Variants in DOK6 observed in about 807,000 individuals in gnomAD.
DOK6 encodes docking protein 6.
DOK6 carries 22 observed loss-of-function variants against 44.0 expected under a neutral mutation model. The observed-to-expected ratio is 0.50, with a 90% confidence interval of 0.36 to 0.71. The LOEUF is 0.71. Among genes scored for constraint, DOK6 ranks in the 30% least tolerant of loss-of-function variants. The pLI, the probability that DOK6 is intolerant of heterozygous loss-of-function variation, is 0.00. For synonymous variants in DOK6, 166 were observed against 145.5 expected, an observed-to-expected ratio of 1.14 and a Z score of -1.01; for missense variants, 340 against 416.4, an observed-to-expected ratio of 0.82 and a Z score of 1.60.
At chr18:69,759,554 CTT>C (rs1568118359) in intron 7 of DOK6, among the ~76,000 whole-genome samples, 1 of 152,036 alleles carries the variant, frequency 6.6e-6, no homozygotes, top group African/African-American at 2.4e-5. Flanking sequence ...AATAAAAACT[CTT>C]GTTTTCATGG....
chr18:69,451,668 C>A (rs1332611038), intron 1 of DOK6, among the ~76,000 whole-genome samples: 1 of 72,262 alleles, frequency 1.4e-5, no homozygotes. Flanking sequence ...GGAAGTAAAG[C>A]TCTCCTCAGC....
intron 1 of DOK6, among the ~76,000 whole-genome samples, chr18:69,418,027 T>G (rs1978386522): frequency 6.6e-6 from 1 of 152,142 alleles, no homozygotes; most frequent in Non-Finnish European, 1.5e-5. Context: ...CTTGGCTGAT[T>G]GTTTCCTTTG....
chr18:69,480,203 G>A (rs937153943), intron 1 of DOK6, among the ~76,000 whole-genome samples: 7 of 151,862 alleles, frequency 4.6e-5, no homozygotes, highest in Admixed American at 2.0e-4. Flanking sequence ...AATATTTTAT[G>A]GACTCTATCA....
intron 1 of DOK6, among the ~76,000 whole-genome samples, chr18:69,461,021 T>C (rs925784150): frequency 7.9e-5 from 12 of 152,204 alleles, no homozygotes; most frequent in African/African-American, 2.4e-4. Context: ...CGAAGTGCCT[T>C]TCCCATAGCC....
chr18:69,763,726 G>C (rs1979633155), intron 7 of DOK6, among the ~76,000 whole-genome samples: 1 of 152,168 alleles, frequency 6.6e-6, no homozygotes, highest in South Asian at 2.1e-4. Flanking sequence ...ATCACCATTA[G>C]ACATATTTAG....
intron 2 of DOK6, among the ~76,000 whole-genome samples, chr18:69,573,151 A>G (rs1983156558): frequency 6.6e-6 from 1 of 151,772 alleles, no homozygotes; most frequent in Non-Finnish European, 1.5e-5. Context: ...GCTGGAAGAG[A>G]ATATGAGTAT....
intron 1 of DOK6, among the ~76,000 whole-genome samples, chr18:69,457,625 T>A (rs944799230): frequency 1.3e-5 from 2 of 152,224 alleles, no homozygotes; most frequent in Non-Finnish European, 2.9e-5. Context: ...TGGGCTCTCT[T>A]TTCATTCATT....
chr18:69,617,500 GAA>G (rs1375164221), intron 3 of DOK6, among the ~76,000 whole-genome samples: 44 of 103,816 alleles, frequency 4.2e-4, no homozygotes, highest in African/African-American at 1.5e-3. Context: ...AAGAAAGAAA[GAA>G]AGAGAAAGAA....
intron 1 of DOK6, among the ~76,000 whole-genome samples, chr18:69,475,986 A>G (rs993170930): frequency 1.3e-4 from 18 of 142,618 alleles, no homozygotes; most frequent in African/African-American, 4.6e-4. Context: ...GACTGGTCCC[A>G]TCACCCAGTA....
intron 1 of DOK6, among the ~76,000 whole-genome samples, chr18:69,556,697 A>G (rs1273119560): frequency 6.6e-6 from 1 of 152,228 alleles, no homozygotes; most frequent in Non-Finnish European, 1.5e-5. Context: ...ATGAATGAAT[A>G]AGAGGAATTG....
chr18:69,509,650 A>C (rs2053522), intron 1 of DOK6, among the ~76,000 whole-genome samples: 13,025 of 149,778 alleles, frequency 0.087, 933 homozygotes, highest in Non-Finnish European at 0.12. Context: ...AAAAAAAAAA[A>C]AAAAAAAAAA....
chr18:69,836,689 T>C (rs1599352762), intron 7 of DOK6, among the ~76,000 whole-genome samples: 2 of 152,170 alleles, frequency 1.3e-5, no homozygotes, highest in East Asian at 3.8e-4. Flanking sequence ...CTTATTTGTC[T>C]TTAGTGGGTG....
intron 1 of DOK6, among the ~76,000 whole-genome samples, chr18:69,445,159 T>G (rs1979249570): frequency 6.6e-6 from 1 of 152,324 alleles, no homozygotes; most frequent in African/African-American, 2.4e-5. Context: ...TGATTTTTTG[T>G]GTGTTGATCT....
At chr18:69,720,956 T>A (rs1219610014) in intron 5 of DOK6, among the ~76,000 whole-genome samples, 1 of 152,176 alleles carries the variant, frequency 6.6e-6, no homozygotes, top group African/African-American at 2.4e-5. Context: ...ATGCCTTATA[T>A]ACAGCCCACC....
At chr18:69,443,196 T>A (rs1439269105) in intron 1 of DOK6, among the ~76,000 whole-genome samples, 1 of 152,200 alleles carries the variant, frequency 6.6e-6, no homozygotes, top group African/African-American at 2.4e-5. Context: ...AGGTTGTTAA[T>A]TTGAAAATAG....
At chr18:69,476,954 G>A (rs1486851615) in intron 1 of DOK6, among the ~76,000 whole-genome samples, 1 of 152,188 alleles carries the variant, frequency 6.6e-6, no homozygotes, top group East Asian at 1.9e-4. Context: ...TATGTACACA[G>A]TAAAAGGTTG....
chr18:69,801,638 C>T (rs1158224906), intron 7 of DOK6, among the ~76,000 whole-genome samples: 1 of 152,182 alleles, frequency 6.6e-6, no homozygotes, highest in African/African-American at 2.4e-5. Flanking sequence ...TTTTAAGGCC[C>T]TTTACACTGG....
At chr18:69,471,436 G>C (rs1980104376) in intron 1 of DOK6, among the ~76,000 whole-genome samples, 1 of 151,840 alleles carries the variant, frequency 6.6e-6, no homozygotes, top group East Asian at 1.9e-4. Context: ...GAATTGAACA[G>C]TATGTTTGGA....
At chr18:69,626,426 G>A (rs1054063468) in intron 3 of DOK6, among the ~76,000 whole-genome samples, 1 of 152,214 alleles carries the variant, frequency 6.6e-6, no homozygotes, top group African/African-American at 2.4e-5. Flanking sequence ...TATTCATCAA[G>A]TCAGAAAATA....
Sources: gnomAD v4.1 joint callset for allele counts (sites outside exome capture counted in the v4.1 genomes callset) on GRCh38, gnomAD v4.1.1 for gene constraint, MANE v1.5 for transcripts, NCBI Gene and HGNC (gene_info 2026-07-23, HGNC 2026-07-21) for gene names.